Variants in DOCK10 observed in about 807,000 individuals in gnomAD.
DOCK10 encodes dedicator of cytokinesis protein 10.
In DOCK10, 145 loss-of-function variants were observed where a neutral mutation model predicts 280.1. The observed-to-expected ratio is 0.52, with a 90% CI of 0.45 to 0.59. The LOEUF is 0.59. Among genes scored for constraint, DOCK10 ranks in the 20% least tolerant of loss-of-function variants. The pLI, the probability that DOCK10 is intolerant of heterozygous loss-of-function variation, is 0.00. For missense variants in DOCK10, 2,368 were observed against 2,651.7 expected, an observed-to-expected ratio of 0.89 and a Z score of 2.35; for synonymous variants, 915 against 942.2, an observed-to-expected ratio of 0.97 and a Z score of 0.53.
At chr2:225,015,754 T>C (rs1281357009) in intron 1 of DOCK10, among the ~76,000 whole-genome samples, 2 of 152,228 alleles carry the variant, frequency 1.3e-5, no homozygotes, top group African/African-American at 2.4e-5. Context: ...GTGCTCCTTA[T>C]GGCTTTGTGT....
At chr2:224,919,703 TGTGA>T (rs1354929175) in intron 2 of DOCK10, among the ~76,000 whole-genome samples, 3 of 151,928 alleles carry the variant, frequency 2.0e-5, no homozygotes, top group Admixed American at 6.6e-5. Flanking sequence ...GATGTGTTGG[TGTGA>T]GTGTGTGTGC....
At chr2:224,897,524 G>A (rs1365982605) in intron 3 of DOCK10, among the ~76,000 whole-genome samples, 2 of 151,632 alleles carry the variant, frequency 1.3e-5, no homozygotes, top group Non-Finnish European at 2.9e-5. Context: ...CTATTTTTTG[G>A]TACCCATTAG....
intron 4 of DOCK10, among the ~76,000 whole-genome samples, chr2:224,894,266 A>G (rs1699861124): frequency 6.6e-6 from 1 of 152,224 alleles, no homozygotes; most frequent in East Asian, 1.9e-4. Flanking sequence ...CATTGTTTTA[A>G]CAGAGGAAGA....
chr2:224,911,213 T>C (rs564624120), intron 3 of DOCK10, among the ~76,000 whole-genome samples: 1 of 152,120 alleles, frequency 6.6e-6, no homozygotes, highest in South Asian at 2.1e-4. Context: ...TGAAAGGGAA[T>C]TAAGGTGGGA....
At chr2:224,900,840 T>A (rs1411685919) in intron 3 of DOCK10, among the ~76,000 whole-genome samples, 1 of 152,220 alleles carries the variant, frequency 6.6e-6, no homozygotes, top group East Asian at 1.9e-4. Context: ...CAGTTAATAA[T>A]AACAATTTAT....
intron 18 of DOCK10, among the ~76,000 whole-genome samples, chr2:224,851,159 C>T (rs188641472): frequency 6.6e-6 from 1 of 152,190 alleles, no homozygotes; most frequent in Non-Finnish European, 1.5e-5. Flanking sequence ...AACTTATAAG[C>T]CCCCTTTGTC....
intron 1 of DOCK10, among the ~76,000 whole-genome samples, chr2:225,014,081 A>ATATATATATATATTTTTTT (rs776104946): frequency 1.0e-5 from 1 of 96,820 alleles, no homozygotes; most frequent in African/African-American, 4.7e-5. Context: ...GTCTGAATAT[A>ATATATATATATATTTTTTT]TTGTTTTTTT....
chr2:224,787,517 C>T lies in DOCK10; in HGVS notation c.5419-120G>A, dbSNP rs540054728. 2.4e-6 allele frequency: 3 copies of T among 1,242,634 alleles called. No homozygotes were observed. The South Asian group carries it at 4.2e-5, about 17-fold the overall frequency. 77.0% of individuals were successfully genotyped at this position (1,242,634 alleles called of 1,614,324 possible). On this transcript the variant is annotated intron_variant, in intron 48 of 55. Transcript: ENST00000258390. ...TCCCTCTGTTACTGGCATTTAAAAC[C>T]CAGCAGGGGATCGTGGTGTCATCTT...
rs188590454 is a variant in DOCK10 at position 224,977,595 on chromosome 2, T to C, written c.124-45927A>G. Among the ~76,000 whole-genome samples the C allele has an allele frequency of 2.6e-4, 40 of 152,314 alleles. 1 individual carries two copies. In the East Asian group the frequency reaches 5.8e-3, roughly 22 times the overall value. The stretch of plus-strand genomic sequence containing the variant: ...GGAAGTAAAAAAAAATTATGAAAGT[T>C]TCTGTTAATTCTCCCACCAAAAAGT... On this transcript the variant is annotated intron_variant, in intron 1 of 55. Transcript: ENST00000258390.
chr2:224,933,802 T>A (rs1400580017), intron 1 of DOCK10, among the ~76,000 whole-genome samples: 1 of 152,178 alleles, frequency 6.6e-6, no homozygotes, highest in Non-Finnish European at 1.5e-5. Context: ...ATATTGTAAT[T>A]TATAGGTTTA....
At chr2:224,800,071 A>C in intron 41 of DOCK10, 80 bp downstream of exon 41, 1 of 774,276 alleles carries the variant, frequency 1.3e-6, no homozygotes, top group South Asian at 1.8e-5. Context: ...TAATTAAAAA[A>C]AACCATGTTT....
At chr2:224,894,225 C>T (rs1181634478) in intron 4 of DOCK10, among the ~76,000 whole-genome samples, 3 of 152,000 alleles carry the variant, frequency 2.0e-5, no homozygotes, top group South Asian at 2.1e-4. Context: ...CAATAATGTC[C>T]GGGATTGGTT....
chr2:224,791,246 G>A (rs1057386283), intron 47 of DOCK10, among the ~76,000 whole-genome samples: 4 of 152,140 alleles, frequency 2.6e-5, no homozygotes, highest in Non-Finnish European at 4.4e-5. Flanking sequence ...AGCAATAGAT[G>A]AGGAGGAAGG....
chr2:224,784,077 T>C (rs1382910721), intron 50 of DOCK10, among the ~76,000 whole-genome samples: 1 of 152,150 alleles, frequency 6.6e-6, no homozygotes, highest in Non-Finnish European at 1.5e-5. Flanking sequence ...GCAGGTTATT[T>C]TGGACATGGC....
intron 50 of DOCK10, among the ~76,000 whole-genome samples, chr2:224,783,412 T>C (rs889840684): frequency 7.9e-5 from 12 of 152,036 alleles, no homozygotes; most frequent in Admixed American, 3.9e-4. Context: ...GTAGCTGGGA[T>C]TACAGGCGCT....
intron 1 of DOCK10, among the ~76,000 whole-genome samples, chr2:225,017,374 G>T (rs1689639651): frequency 6.6e-6 from 1 of 151,114 alleles, no homozygotes; most frequent in Non-Finnish European, 1.5e-5. Context: ...GAGAGAAATA[G>T]AAATAAAATT....
intron 1 of DOCK10, among the ~76,000 whole-genome samples, chr2:225,019,170 C>G (rs1355912033): frequency 6.6e-6 from 1 of 152,070 alleles, no homozygotes; most frequent in Non-Finnish European, 1.5e-5. Flanking sequence ...GGAGACCAAT[C>G]ATCTAGCATT....
At chr2:224,775,353 C>G (rs1367623602) in intron 51 of DOCK10, among the ~76,000 whole-genome samples, 2 of 152,224 alleles carry the variant, frequency 1.3e-5, no homozygotes, top group East Asian at 3.8e-4. Context: ...GTAGGTGAGG[C>G]TCTTCCAGAT....
At chr2:224,886,323 T>G (rs1219527504) in intron 5 of DOCK10, 136 bp downstream of exon 5, 1 of 1,475,598 alleles carries the variant, frequency 6.8e-7, no homozygotes, top group East Asian at 2.3e-5. Flanking sequence ...CAAACGTGAC[T>G]CATTTTGACT....
Sources: allele counts gnomAD v4.1 joint callset (sites outside exome capture counted in the v4.1 genomes callset), GRCh38; gene constraint gnomAD v4.1.1; transcripts MANE v1.5; gene names NCBI Gene and HGNC (gene_info 2026-07-23, HGNC 2026-07-21).